Variants in EML5 observed in about 807,000 individuals in gnomAD.
EML5 encodes EMAP like 5.
Under a neutral mutation model 250.0 loss-of-function variants are expected in EML5, and 120 were observed. That is an observed-to-expected ratio of 0.48 (90% confidence interval 0.41 to 0.56). EML5 has a LOEUF of 0.56. Among genes scored for constraint, EML5 ranks in the 20% least tolerant of loss-of-function variants. The probability of loss-of-function intolerance (pLI) is 0.00; values close to 1 mark genes in which losing one functional copy is unlikely to be tolerated. For missense variants in EML5, 2,006 were observed against 2,437.6 expected (o/e 0.82, Z 3.73); for synonymous variants, 771 against 806.5 (o/e 0.96, Z 0.75).
chr14:88,681,530 GTTC>G (rs916319943), intron 21 of EML5, among the ~76,000 whole-genome samples: 4 of 152,110 alleles, frequency 2.6e-5, no homozygotes, highest in African/African-American at 7.2e-5. Context: ...TTAGTTTTTA[GTTC>G]TTTTTTGAAT....
Position 88,792,931 on chromosome 14 carries a change from G to A in EML5, c.-428C>T, listed in dbSNP as rs563679845. ...CCACAGCCTGGCGGACCCGCGCCGCGCACCCCGAAACCGAGCGAGCCGAGC... is the reference window on the plus strand; with the variant it reads ...CCACAGCCTGGCGGACCCGCGCCGCACACCCCGAAACCGAGCGAGCCGAGC... On this transcript the variant is annotated 5_prime_UTR_variant, in exon 1 of 44. Coordinates refer to ENST00000554922, the MANE Select transcript of EML5 (RefSeq NM_183387.3). This position sits in a 1 kb window ranked among gnomAD's most constrained non-coding sequence, Gnocchi z 6.9. Among the ~76,000 whole-genome samples, 264 of 150,806 alleles carry A rather than the reference G, an allele frequency of 1.8e-3. 2 individuals carry two copies. The highest frequency in any genetic ancestry group is 5.7e-3 in the South Asian group (27 of 4,748).
chr14:88,617,018 T>C (rs2087740495), intron 41 of EML5, 139 bp from the exon 42 acceptor site: 1 of 677,360 alleles, frequency 1.5e-6, no homozygotes, highest in African/African-American at 1.8e-5. Flanking sequence ...GGTAAGTTGT[T>C]TGGAGACCTG....
chr14:88,640,750 A>C (rs1405394391), intron 31 of EML5, among the ~76,000 whole-genome samples: 6 of 152,148 alleles, frequency 3.9e-5, no homozygotes, highest in Non-Finnish European at 8.8e-5. Context: ...CATCTATACA[A>C]AGAATCAACA....
At chr14:88,704,320 C>T (rs777057960) in intron 13 of EML5, among the ~76,000 whole-genome samples, 4 of 152,138 alleles carry the variant, frequency 2.6e-5, no homozygotes, top group Non-Finnish European at 4.4e-5. Context: ...TGCCTTCTGC[C>T]ATGAGTAAAA....
At chr14:88,688,012 A>G (rs1178445166) in intron 18 of EML5, among the ~76,000 whole-genome samples, 1 of 152,214 alleles carries the variant, frequency 6.6e-6, no homozygotes, top group Non-Finnish European at 1.5e-5. Flanking sequence ...TGGAGGCTGC[A>G]GTGAGCTATG....
chr14:88,690,677 G>A (rs994940076), intron 17 of EML5, among the ~76,000 whole-genome samples: 1 of 152,146 alleles, frequency 6.6e-6, no homozygotes, highest in Admixed American at 6.5e-5. Flanking sequence ...TTGAAAGAGG[G>A]TTTTGTGTCA....
At position 88,618,346 on chromosome 14, in the gene EML5, T is replaced by C. The variant is rs1441789459; in HGVS notation, c.5539-15A>G. On this transcript the variant is annotated splice_polypyrimidine_tract_variant and intron_variant, in intron 40 of 43. Coordinates refer to ENST00000554922, the MANE Select transcript of EML5 (RefSeq NM_183387.3). The stretch of plus-strand genomic sequence containing the variant: ...CCACTAGAGACCTTTTTCATCAGAT[T>C]AAAATGGGACAAGAATTCCATTAGG... 6.2e-7 allele frequency: 1 copy of C among 1,608,410 alleles called. No individual in the cohort carries two copies. Among genetic ancestry groups the C allele is most frequent in the Non-Finnish European group, 8.5e-7 (1 of 1,175,810 alleles).
chr14:88,754,047 A>G (rs61983300), intron 2 of EML5, among the ~76,000 whole-genome samples: 36,951 of 151,954 alleles, frequency 0.24, 4,636 homozygotes, highest in East Asian at 0.37. Flanking sequence ...TGAGGCAGGA[A>G]CATTGCTTGA....
chr14:88,704,495 T>C (rs113923121), intron 13 of EML5, among the ~76,000 whole-genome samples: 1 of 152,128 alleles, frequency 6.6e-6, no homozygotes, highest in Admixed American at 6.5e-5. Flanking sequence ...ATCTCCATTT[T>C]ACAGACAGAA....
intron 33 of EML5, 174 bp from the exon 34 acceptor site, chr14:88,627,993 G>C (rs934020079): frequency 2.8e-6 from 2 of 723,270 alleles, no homozygotes; most frequent in African/African-American, 1.8e-5. Context: ...AAGGAGTTTT[G>C]GGGGTGGGGA....
chr14:88,767,306 T>A (rs1417409615), intron 1 of EML5, among the ~76,000 whole-genome samples: 1 of 152,172 alleles, frequency 6.6e-6, no homozygotes, highest in Non-Finnish European at 1.5e-5. Context: ...TCAAAGCGCC[T>A]GATATGCAGG....
At chr14:88,688,534 C>G in intron 17 of EML5, 61 bp from the exon 18 acceptor site, 4 of 1,550,654 alleles carry the variant, frequency 2.6e-6, no homozygotes, top group Non-Finnish European at 2.6e-6. Context: ...TATAAAGAAG[C>G]AAAGTTTCTT....
At chr14:88,654,767 G>A (rs1670697312) in intron 27 of EML5, among the ~76,000 whole-genome samples, 1 of 152,134 alleles carries the variant, frequency 6.6e-6, no homozygotes, top group South Asian at 2.1e-4. Context: ...TTGATTTGGG[G>A]TGGACAGTTC....
intron 9 of EML5, among the ~76,000 whole-genome samples, chr14:88,714,647 C>T (rs867377747): frequency 5.3e-5 from 8 of 152,058 alleles, no homozygotes; most frequent in South Asian, 2.1e-4. Context: ...CAAAACATTA[C>T]ATTGTAAATT....
At chr14:88,717,961 T>C (rs2093527595) in intron 8 of EML5, among the ~76,000 whole-genome samples, 1 of 152,248 alleles carries the variant, frequency 6.6e-6, no homozygotes, top group Admixed American at 6.5e-5. Context: ...AATTCTAATC[T>C]TATTCACAAA....
At chr14:88,653,874 G>A (rs1304707561) in intron 27 of EML5, among the ~76,000 whole-genome samples, 1 of 152,170 alleles carries the variant, frequency 6.6e-6, no homozygotes, top group Admixed American at 6.5e-5. Flanking sequence ...AATGGTACCA[G>A]CTCCTCTTTG....
intron 13 of EML5, among the ~76,000 whole-genome samples, chr14:88,703,303 CAG>C (rs780848240): frequency 3.0e-4 from 45 of 152,068 alleles, no homozygotes; most frequent in Non-Finnish European, 6.3e-4. Context: ...AACTAAGTAA[CAG>C]TAACTATCTG....
intron 7 of EML5, among the ~76,000 whole-genome samples, chr14:88,727,083 A>G (rs2093677510): frequency 6.6e-6 from 1 of 152,118 alleles, no homozygotes; most frequent in South Asian, 2.1e-4. Flanking sequence ...CTTTTAGCAC[A>G]GTTATAGTGT....
chr14:88,655,975 TGGA>T (rs2091852047), intron 27 of EML5, among the ~76,000 whole-genome samples: 1 of 152,202 alleles, frequency 6.6e-6, no homozygotes, highest in Non-Finnish European at 1.5e-5. Flanking sequence ...CAACAGATGC[TGGA>T]GAAGATGTGG....
Sources: allele counts gnomAD v4.1 joint callset (sites outside exome capture counted in the v4.1 genomes callset), GRCh38; gene constraint gnomAD v4.1.1; non-coding constraint Gnocchi (gnomAD v3.1); transcripts MANE v1.5; gene names NCBI Gene and HGNC (gene_info 2026-07-23, HGNC 2026-07-21).